Variants in ALG11 observed in about 807,000 individuals in gnomAD.
ALG11 encodes the protein GDP-Man:Man(3)GlcNAc(2)-PP-Dol alpha-1,2-mannosyltransferase.
A neutral mutation model predicts 38.8 loss-of-function variants in ALG11; 26 were observed. The ratio of observed to expected loss-of-function variants is 0.67; its 90% CI spans 0.49 to 0.93. The LOEUF is 0.93. ALG11 is among the 40% of genes least tolerant of loss of function. The pLI is 0.00. For synonymous variants in ALG11, 199 were observed against 211.6 expected, an observed-to-expected ratio of 0.94 and a Z score of 0.52; for missense variants, 535 against 578.8, an observed-to-expected ratio of 0.92 and a Z score of 0.78.
At chr13:52,026,229 T>C (rs1278297466) in intron 3 of ALG11, among the ~76,000 whole-genome samples, 1 of 151,908 alleles carries the variant, frequency 6.6e-6, no homozygotes, top group African/African-American at 2.4e-5. Flanking sequence ...ACCCGAACAA[T>C]AGAGGTTAGC....
rs773729971 is a variant in ALG11, at chr13:52,024,536, G to A, written c.806G>A (p.Trp269Ter). 1 of 1,614,142 alleles carries A rather than the reference G, an allele frequency of 6.2e-7. No individual in the cohort carries two copies. The highest frequency in any genetic ancestry group is 8.5e-7 in the Non-Finnish European group (1 of 1,180,038). The change falls in exon 3 of 4, where the codon TGG (tryptophan) becomes TAG (stop). Residue 269 changes from tryptophan (W) to a stop codon, truncating the protein, a stop_gained. Transcript: ENST00000521508. LOFTEE classifies it high-confidence loss of function. The part of the protein sequence containing the change: ...SWTLNHILSL[W>*]KVGNCTNIVY... The stretch of plus-strand genomic sequence containing the variant: ...ACACTAAACCATATTCTCTCACTAT[G>A]GAAAGTTGGGAATTGCACTAACATT...
In ALG11 at chr13:52,031,451, GGT is replaced by G. The variant is rs1479499736; in HGVS notation, c.*2868_*2869del. 1 of 261,734 alleles carries G rather than the reference GGT, an allele frequency of 3.8e-6. No individual in the cohort carries two copies. The highest frequency in any genetic ancestry group is 2.2e-5 in the African/African-American group (1 of 45,080). 16.2% of individuals were successfully genotyped at this position (261,734 alleles called of 1,614,324 possible). A position where few individuals can be genotyped will look rare whatever the true frequency, so the allele number is the denominator to read the frequency against. ...AGGTGGGACTGACTGATGCTTTATAGGTGTGTGTAGGGTGGTAGAGGCCAAGG... is the reference window on the plus strand; with the variant it reads ...AGGTGGGACTGACTGATGCTTTATAGGTGTGTAGGGTGGTAGAGGCCAAGG... On this transcript the variant is annotated 3_prime_UTR_variant, in exon 4 of 4. Coordinates refer to ENST00000521508, the MANE Select transcript of ALG11 (RefSeq NM_001004127.3).
chr13:52,030,500 C>G lies in ALG11; in HGVS notation c.*1910C>G. On this transcript the variant is annotated 3_prime_UTR_variant, in exon 4 of 4. Coordinates refer to ENST00000521508, the MANE Select transcript of ALG11 (RefSeq NM_001004127.3). ...CAACCTACAGAACTTCCTGACCACA[C>G]AGTCTCCTTCCGTGAGGTCTTTGGC... The G allele has an allele frequency of 6.2e-7, 1 of 1,614,232 alleles. No homozygotes were observed. Among genetic ancestry groups the G allele is most frequent in the Non-Finnish European group, 8.5e-7 (1 of 1,180,040 alleles).
At chr13:52,028,253 C>T in intron 3 of ALG11, 66 bp from the exon 4 acceptor site, 1 of 1,589,216 alleles carries the variant, frequency 6.3e-7, no homozygotes, top group Non-Finnish European at 8.6e-7. Context: ...GATTTCTATT[C>T]ATCCTCATTC....
At position 52,012,402 on chromosome 13, in the gene ALG11, T is replaced by G; in HGVS notation, c.-17T>G. The G allele has an allele frequency of 6.2e-7, 1 of 1,614,038 alleles. No individual in the cohort carries two copies. The highest frequency in any genetic ancestry group is 8.5e-7 in the Non-Finnish European group (1 of 1,180,026). Reference sequence around the variant, plus strand: ...AAGGAAAGTGAAGCGTTTCCTGAGTTCGGGGGTCGGCGGAAGATGGCGGCC... The same window carrying G: ...AAGGAAAGTGAAGCGTTTCCTGAGTGCGGGGGTCGGCGGAAGATGGCGGCC... On this transcript the variant is annotated 5_prime_UTR_variant, in exon 1 of 4. Transcript: ENST00000521508.
Position 52,028,792 on chromosome 13 carries a change from G to A in ALG11, c.*202G>A, listed in dbSNP as rs779727806. ...TCCATTCTTGGTATACATGAGAGAG[G>A]CTGGCTGCTGAGATGAATGTGAACC... On this transcript the variant is annotated 3_prime_UTR_variant, in exon 4 of 4. Transcript: ENST00000521508. 1.2e-6 allele frequency: 2 copies of A among 1,614,056 alleles called. No homozygotes were observed. The highest frequency in any genetic ancestry group is 1.7e-6 in the Non-Finnish European group (2 of 1,180,032).
chr13:52,019,279 T>TCA, intron 2 of ALG11, 136 bp downstream of exon 2: 1 of 789,234 alleles, frequency 1.3e-6, no homozygotes, highest in Non-Finnish European at 1.9e-6. Flanking sequence ...TGGAGTGCAG[T>TCA]GGCACGATGT....
chr13:52,020,581 A>T (rs1206991254), intron 2 of ALG11: 3 of 152,208 alleles, frequency 2.0e-5, no homozygotes, highest in African/African-American at 7.2e-5. Context: ...CTCTAACCAG[A>T]TTATCTACCT....
intron 1 of ALG11, chr13:52,016,390 T>A (rs1454357045): frequency 6.6e-6 from 1 of 152,244 alleles, no homozygotes; most frequent in Non-Finnish European, 1.5e-5. Context: ...CTAATGTTAA[T>A]CCTGAAGACC....
intron 1 of ALG11, among the ~76,000 whole-genome samples, chr13:52,013,091 C>T (rs1954096740): frequency 6.6e-6 from 1 of 152,098 alleles, no homozygotes; most frequent in Non-Finnish European, 1.5e-5. Context: ...GGAATGCTAC[C>T]ATCCGGAGAT....
In ALG11 at chr13:52,030,631, A is replaced by G; in HGVS notation, c.*2041A>G. On this transcript the variant is annotated 3_prime_UTR_variant, in exon 4 of 4. Transcript: ENST00000521508. ...ATGATGTCATCAGAGATTTCTTGAA[A>G]GAGAAGAGGGAAGCTGTGGAGGCGA... is the stretch of plus-strand genomic sequence containing the variant. 2 of 1,613,580 alleles carry G rather than the reference A, an allele frequency of 1.2e-6. No individual in the cohort carries two copies. The highest frequency in any genetic ancestry group is 1.7e-6 in the Non-Finnish European group (2 of 1,179,956).
Position 52,032,583 on chromosome 13 carries a change from T to G in ALG11, c.*3993T>G, listed in dbSNP as rs986963221. On this transcript the variant is annotated 3_prime_UTR_variant, in exon 4 of 4. Transcript: ENST00000521508. Reference sequence around the variant, plus strand: ...TTCTTTGCAGTCTCCTCTCAGTCATTCATCAATGTGGCCAGCTTATCTACT... The same window carrying G: ...TTCTTTGCAGTCTCCTCTCAGTCATGCATCAATGTGGCCAGCTTATCTACT... 3 of 167,076 alleles carry G rather than the reference T, an allele frequency of 1.8e-5. No individual in the cohort carries two copies. The highest frequency in any genetic ancestry group is 4.4e-5 in the Non-Finnish European group (3 of 68,116). 10.3% of individuals were successfully genotyped at this position (167,076 alleles called of 1,614,324 possible).
chr13:52,031,349 A>C lies in ALG11; in HGVS notation c.*2759A>C, dbSNP rs1403691386. The C allele has an allele frequency of 7.3e-6, 4 of 544,662 alleles. No homozygotes were observed. Among genetic ancestry groups the C allele is most frequent in the Non-Finnish European group, 1.3e-5 (4 of 315,554 alleles). The allele number at this position is 544,662 out of a possible 1,614,324, so 33.7% of individuals were successfully genotyped here. Reference sequence around the variant, plus strand: ...AACAATACAGTGGATGACCCTTTTGAATATACCTAATGATTTCCTTAAAAA... The same window carrying C: ...AACAATACAGTGGATGACCCTTTTGCATATACCTAATGATTTCCTTAAAAA... On this transcript the variant is annotated 3_prime_UTR_variant, in exon 4 of 4. Transcript: ENST00000521508.
intron 1 of ALG11, among the ~76,000 whole-genome samples, chr13:52,015,320 C>T (rs1228515555): frequency 1.3e-5 from 2 of 152,142 alleles, no homozygotes; most frequent in African/African-American, 2.4e-5. Context: ...GCAGGAGGAT[C>T]GCTTGAGCCA....
At chr13:52,018,006 G>A (rs1316674421) in intron 1 of ALG11, among the ~76,000 whole-genome samples, 1 of 152,114 alleles carries the variant, frequency 6.6e-6, no homozygotes, top group Admixed American at 6.5e-5. Flanking sequence ...TAAAGGATAG[G>A]CAGAGTATGA....
chr13:52,021,098 G>C (rs1377301066), intron 2 of ALG11: 1 of 152,180 alleles, frequency 6.6e-6, no homozygotes, highest in Non-Finnish European at 1.5e-5. Context: ...CAAATAGTGA[G>C]ACGTGCTATA....
chr13:52,013,077 C>A (rs932140753), intron 1 of ALG11, among the ~76,000 whole-genome samples: 1 of 152,008 alleles, frequency 6.6e-6, no homozygotes, highest in Admixed American at 6.6e-5. Flanking sequence ...AGGAAAAAAC[C>A]CCAGGAATGC....
intron 2 of ALG11, chr13:52,021,366 C>T (rs1021508944): frequency 6.6e-6 from 1 of 152,214 alleles, no homozygotes; most frequent in Non-Finnish European, 1.5e-5. Flanking sequence ...TTCTGAACCA[C>T]ATGCTAAACT....
rs761729275 is a variant in ALG11 at position 52,024,710 on chromosome 13, A to G, written c.980A>G (p.Asn327Ser). The stretch of plus-strand genomic sequence containing the variant: ...ATCAGAGCCTTTGCTAAATTGCTGA[A>G]TAAGAAGATGGTTGAGTCACCTCCT... ...LQIRAFAKLL[N>S]KKMVESPPSL... is the part of the protein sequence containing the mutation. Residue 327 changes from asparagine (N) to serine (S), a missense_variant, in exon 3 of 4, where the codon AAT (asparagine) becomes AGT (serine). Transcript: ENST00000521508. 3 of 1,614,250 alleles carry G rather than the reference A, an allele frequency of 1.9e-6. No individual in the cohort carries two copies. Among genetic ancestry groups the G allele is most frequent in the South Asian group, 1.1e-5 (1 of 91,086 alleles).
Sources: allele counts gnomAD v4.1 joint callset (sites outside exome capture counted in the v4.1 genomes callset), GRCh38; gene constraint gnomAD v4.1.1; transcripts MANE v1.5; gene names NCBI Gene and HGNC (gene_info 2026-07-23, HGNC 2026-07-21).